ASTE1: variants seen among roughly 807,000 people sequenced by gnomAD.
The protein encoded by ASTE1 is single-strand DNA endonuclease ASTE1.
Under a neutral mutation model 45.8 loss-of-function variants are expected in ASTE1, and 49 were observed. The observed-to-expected ratio is 1.07, with a 90% CI of 0.85 to 1.36. ASTE1 has a LOEUF of 1.36. ASTE1 is among the 40% of genes most tolerant of loss of function. The probability of loss-of-function intolerance (pLI) is 0.00; values close to 1 mark genes in which losing one functional copy is unlikely to be tolerated. For missense variants in ASTE1, 709 were observed against 804.0 expected, an observed-to-expected ratio of 0.88 and a Z score of 1.43; for synonymous variants, 296 against 303.9, an observed-to-expected ratio of 0.97 and a Z score of 0.27.
chr3:131,019,986 T>C (rs2063720547), intron 3 of ASTE1, among the ~76,000 whole-genome samples: 1 of 152,196 alleles, frequency 6.6e-6, no homozygotes. Context: ...GAAACTAAAC[T>C]CTTAAACTGG....
chr3:131,025,841 A>G (rs2063851006), intron 1 of ASTE1, among the ~76,000 whole-genome samples: 2 of 152,222 alleles, frequency 1.3e-5, no homozygotes, highest in Admixed American at 1.3e-4. Context: ...TGTATTGACA[A>G]TCAGTCACGG....
intron 5 of ASTE1, 139 bp from the exon 6 acceptor site, chr3:131,014,526 G>A (rs1334822773): frequency 5.9e-6 from 5 of 847,578 alleles, no homozygotes; most frequent in South Asian, 2.1e-5. Flanking sequence ...AATTACTTAA[G>A]AATAATCTGT....
At chr3:131,026,393 TA>T (rs894992972) in intron 1 of ASTE1, 113 bp downstream of exon 1, 8 of 152,298 alleles carry the variant, frequency 5.3e-5, no homozygotes, top group Admixed American at 4.6e-4. Context: ...TAGAGCTGCA[TA>T]GGGGAAAGGC....
At chr3:131,023,316 T>G (rs528708343) in intron 3 of ASTE1, among the ~76,000 whole-genome samples, 2 of 152,310 alleles carry the variant, frequency 1.3e-5, no homozygotes, top group South Asian at 4.1e-4. Context: ...CTAAATCTAG[T>G]TCTTTTATCA....
intron 3 of ASTE1, among the ~76,000 whole-genome samples, chr3:131,019,475 A>G (rs772312965): frequency 1.3e-4 from 20 of 152,346 alleles, no homozygotes; most frequent in Admixed American, 2.6e-4. Flanking sequence ...CAGAAGTAAA[A>G]CAGCTATAAG....
At chr3:131,021,847 C>A (rs534759346) in intron 3 of ASTE1, among the ~76,000 whole-genome samples, 67 of 152,248 alleles carry the variant, frequency 4.4e-4, no homozygotes, top group Admixed American at 7.8e-4. Context: ...AAAGCCATTA[C>A]ATTTTTTTTA....
intron 3 of ASTE1, among the ~76,000 whole-genome samples, chr3:131,021,786 T>C (rs766884898): frequency 2.0e-5 from 3 of 152,204 alleles, no homozygotes; most frequent in Non-Finnish European, 2.9e-5. Flanking sequence ...TCAAAACTCA[T>C]CAAAGTACAC....
In ASTE1 at chr3:131,024,126, G is replaced by A; in HGVS notation, c.1181C>T (p.Ala394Val). ...GAAAGCTAGAGGCTGAGGAGGCAAT[G>A]CATTCCAGGATGTCTTGTCCAGATG... ...SPHLDKTSWN[A>V]LPPQPLAFSE... Residue 394 changes from alanine (A) to valine (V), a missense_variant, in exon 3 of 6, where the codon GCA becomes GTA. Physicochemically the swap from Ala to Val is moderately conservative, Grantham distance 64. Transcript: ENST00000264992. 6.2e-7 allele frequency: 1 copy of A among 1,614,224 alleles called. No homozygotes were observed. The highest frequency in any genetic ancestry group is 8.5e-7 in the Non-Finnish European group (1 of 1,180,024).
rs1165153873 is a variant in ASTE1, at chr3:131,024,097, C to G, written c.1210G>C (p.Glu404Gln). The change falls in exon 3 of 6, where the codon GAA becomes CAA. Residue 404 changes from glutamate (E) to glutamine (Q), a missense_variant. Glu to Gln is a conservative substitution (Grantham distance 29). Transcript: ENST00000264992. Reference protein sequence around the residue: ...ALPPQPLAFSEVERINKNIRT... With the variant: ...ALPPQPLAFSQVERINKNIRT... ...ATATTTTTATTAATCCTTTCCACTT[C>G]ACTGAAAGCTAGAGGCTGAGGAGGC... is the stretch of plus-strand genomic sequence containing the variant. 1 of 1,614,214 alleles carries G rather than the reference C, an allele frequency of 6.2e-7. No homozygotes were observed. Among genetic ancestry groups the G allele is most frequent in the Admixed American group, 1.7e-5 (1 of 60,032 alleles).
At chr3:131,020,617 A>G (rs1321118631) in intron 3 of ASTE1, among the ~76,000 whole-genome samples, 3 of 152,264 alleles carry the variant, frequency 2.0e-5, no homozygotes, top group African/African-American at 7.2e-5. Context: ...CAGATAATGT[A>G]TTACAAGATC....
In ASTE1 at chr3:131,026,681, G is replaced by C. The variant is rs1315067140; in HGVS notation, c.-321C>G. ...TGGCGCCAGACTGAGCCAAGGAGCAGGTGTTCTCGGGCCCAGAGGCGCTAA... is the reference window on the plus strand; with the variant it reads ...TGGCGCCAGACTGAGCCAAGGAGCACGTGTTCTCGGGCCCAGAGGCGCTAA... On this transcript the variant is annotated 5_prime_UTR_variant, in exon 1 of 6. Transcript: ENST00000264992. The C allele has an allele frequency of 6.6e-6, 1 of 152,432 alleles. No individual in the cohort carries two copies. Among genetic ancestry groups the C allele is most frequent in the Non-Finnish European group, 1.5e-5 (1 of 68,196 alleles). The allele number at this position is 152,432 out of a possible 1,614,324, so 9.4% of individuals were successfully genotyped here. A position where few individuals can be genotyped will look rare whatever the true frequency, so the allele number is the denominator to read the frequency against.
At chr3:131,017,601 A>G (rs218504) in intron 4 of ASTE1, among the ~76,000 whole-genome samples, 65,275 of 152,090 alleles carry the variant, frequency 0.43, 16,600 homozygotes, top group Middle Eastern at 0.66. Context: ...ATTCCACTGA[A>G]GTATTAAAGT....
In ASTE1 at chr3:131,025,555, G is replaced by T. The variant is rs2063831384; in HGVS notation, c.-107C>A. ...AAGGCACAAATTCAATGGTTTCATG[G>T]GTTGTAATCTTTGGATGGTGACAGA... On this transcript the variant is annotated 5_prime_UTR_variant, in exon 2 of 6. Coordinates refer to ENST00000264992, the MANE Select transcript of ASTE1 (RefSeq NM_014065.4). The T allele has an allele frequency of 5.6e-6, 3 of 538,910 alleles. No homozygotes were observed. Among genetic ancestry groups the T allele is most frequent in the Non-Finnish European group, 9.0e-6 (3 of 334,524 alleles). The allele number at this position is 538,910 out of a possible 1,614,324, so 33.4% of individuals were successfully genotyped here.
rs777474394 is a variant in ASTE1 at position 131,014,296 on chromosome 3, T to C, written c.1801A>G (p.Lys601Glu). Residue 601 changes from lysine (K) to glutamate (E), a missense_variant, in exon 6 of 6, where the codon AAG (lysine) becomes GAG (glutamate). By Grantham distance (56) the Lys-to-Glu change is moderately conservative. Coordinates refer to ENST00000264992, the MANE Select transcript of ASTE1 (RefSeq NM_014065.4). ...TTGAATAGATATTCATAAAGTTGCT[T>C]AGCCTCAGGACATATGCTCAGGAGA... is the stretch of plus-strand genomic sequence containing the variant. The part of the protein sequence containing the change: ...ESLLSICPEA[K>E]QLYEYLFNAT... The C allele has an allele frequency of 6.8e-6, 11 of 1,614,024 alleles. No individual in the cohort carries two copies. Among genetic ancestry groups the C allele is most frequent in the Non-Finnish European group, 9.3e-6 (11 of 1,180,008 alleles).
At position 131,014,312 on chromosome 3, in the gene ASTE1, G is replaced by T; in HGVS notation, c.1785C>A (p.Ser595Arg). ...AAAGTTGCTTAGCCTCAGGACATATGCTCAGGAGACTTTCTACAGAGGTCG... is the reference window on the plus strand; with the variant it reads ...AAAGTTGCTTAGCCTCAGGACATATTCTCAGGAGACTTTCTACAGAGGTCG... Reference protein sequence around the residue: ...LASTSVESLLSICPEAKQLYE... With the variant: ...LASTSVESLLRICPEAKQLYE... Residue 595 changes from serine to arginine, a missense_variant, in exon 6 of 6, where the codon AGC (serine) becomes AGA (arginine). Coordinates refer to ENST00000264992, the MANE Select transcript of ASTE1 (RefSeq NM_014065.4). 6.2e-7 allele frequency: 1 copy of T among 1,613,884 alleles called. No homozygotes were observed. Among genetic ancestry groups the T allele is most frequent in the Non-Finnish European group, 8.5e-7 (1 of 1,179,972 alleles).
chr3:131,015,893 T>G, intron 5 of ASTE1: 2 of 588,428 alleles, frequency 3.4e-6, no homozygotes, highest in African/African-American at 1.9e-5. Context: ...AATGTATTAC[T>G]TAAAGGAACT....
chr3:131,014,363 G>A lies in ASTE1; in HGVS notation c.1734C>T (p.His578=), dbSNP rs373493602. 4.2e-5 allele frequency: 68 copies of A among 1,605,036 alleles called. No individual in the cohort carries two copies. The highest frequency in any genetic ancestry group is 1.8e-4 in the African/African-American group (13 of 74,174). The part of the protein sequence containing the change: ...LTRLYSGSLV[H]GLCQQLLAST... ...ATGCTAGCAGTTGCTGGCATAGTCC[G>A]TGCACCAGGCTTCCACTGTACAGTC... Residue 578 remains histidine, a synonymous_variant, in exon 6 of 6, where the codon CAC becomes CAT. Transcript: ENST00000264992.
Position 131,016,238 on chromosome 3 carries a change from CTG to C in ASTE1, c.1613_1614del (p.Thr538SerfsTer61). On this transcript the variant is annotated frameshift_variant, in exon 5 of 6. Coordinates refer to ENST00000264992, the MANE Select transcript of ASTE1 (RefSeq NM_014065.4). LOFTEE classifies it high-confidence loss of function. ...TRLGTRLDLD[T>X]AHIFCQWQSC... ...GACTGCCACTGACAGAAGATGTGAG[CTG>C]TGTCTAAGTCCAGTCTTGTGCCCAG... The C allele has an allele frequency of 6.2e-7, 1 of 1,614,132 alleles. No individual in the cohort carries two copies. Among genetic ancestry groups the C allele is most frequent in the Non-Finnish European group, 8.5e-7 (1 of 1,180,020 alleles).
Position 131,013,983 on chromosome 3 carries a change from G to T in ASTE1, c.*74C>A. On this transcript the variant is annotated 3_prime_UTR_variant, in exon 6 of 6. Coordinates refer to ENST00000264992, the MANE Select transcript of ASTE1 (RefSeq NM_014065.4). The stretch of plus-strand genomic sequence containing the variant: ...GTCAGTCCTAAAGAAAAAGCTAATT[G>T]TTTCAAGGGTGGTAACGGAAGAATT... 9.1e-7 allele frequency: 1 copy of T among 1,104,510 alleles called. No individual in the cohort carries two copies. Among genetic ancestry groups the T allele is most frequent in the Non-Finnish European group, 1.3e-6 (1 of 777,134 alleles). 68.4% of individuals were successfully genotyped at this position (1,104,510 alleles called of 1,614,324 possible).
Sources: gnomAD v4.1 joint callset for allele counts (sites outside exome capture counted in the v4.1 genomes callset) on GRCh38, gnomAD v4.1.1 for gene constraint, MANE v1.5 for transcripts, NCBI Gene and HGNC (gene_info 2026-07-23, HGNC 2026-07-21) for gene names.